The following ASCC3 variants were observed in gnomAD, a reference collection of about 807,000 sequenced individuals.
ASCC3 encodes ASC-1 complex subunit P200.
Under a neutral mutation model 256.3 loss-of-function variants are expected in ASCC3, and 158 were observed. The observed-to-expected ratio is 0.62, with a 90% CI of 0.54 to 0.70. ASCC3 has a LOEUF of 0.70. ASCC3 is among the 30% of genes least tolerant of loss of function. The probability of loss-of-function intolerance (pLI) is 0.00; values close to 1 mark genes in which losing one functional copy is unlikely to be tolerated. For synonymous variants in ASCC3, 948 were observed against 883.4 expected (o/e 1.07, Z -1.30); for missense variants, 2,259 against 2,626.0 (o/e 0.86, Z 3.05).
At chr6:100,557,768 A>G (rs1195123835) in intron 36 of ASCC3, among the ~76,000 whole-genome samples, 1 of 152,164 alleles carries the variant, frequency 6.6e-6, no homozygotes, top group African/African-American at 2.4e-5. Flanking sequence ...GTTAGAAAGA[A>G]TAAGACCTGC....
At chr6:100,556,517 G>T (rs1769582887) in intron 36 of ASCC3, among the ~76,000 whole-genome samples, 1 of 152,166 alleles carries the variant, frequency 6.6e-6, no homozygotes, top group African/African-American at 2.4e-5. Flanking sequence ...TTAAAGGTGG[G>T]AGTAAGAATG....
Position 100,645,717 on chromosome 6 carries a change from A to G in ASCC3, c.3633+898T>C, listed in dbSNP as rs1245573099. On this transcript the variant is annotated intron_variant, in intron 22 of 41. Coordinates refer to ENST00000369162, the MANE Select transcript of ASCC3 (RefSeq NM_006828.4). ...TAAAAAATGTTGATTGAATAAAAAG[A>G]GAATCTGGTGTGTATCTTTATATAC... Among the ~76,000 whole-genome samples the G allele has an allele frequency of 4.6e-5, 7 of 152,206 alleles. No homozygotes were observed. The East Asian group carries it at 1.3e-3, about 29-fold the overall frequency.
Position 100,634,841 on chromosome 6 carries a change from C to T in ASCC3, c.4123-3628G>A, listed in dbSNP as rs142503946. Reference sequence around the variant, plus strand: ...TTCAAGGCCAGTCTGGGCAACACAGCGAGACCCCATCTCCTCAAAAAACAA... The same window carrying T: ...TTCAAGGCCAGTCTGGGCAACACAGTGAGACCCCATCTCCTCAAAAAACAA... On this transcript the variant is annotated intron_variant, in intron 25 of 41. Coordinates refer to ENST00000369162, the MANE Select transcript of ASCC3 (RefSeq NM_006828.4). 4.3e-5 allele frequency among the ~76,000 whole-genome samples: 6 copies of T among 137,948 alleles called. No individual in the cohort carries two copies. The East Asian group carries it at 8.4e-4, about 19-fold the overall frequency. The allele number at this position is 137,948 out of a possible 152,430, so 90.5% of individuals were successfully genotyped here. A position where few individuals can be genotyped will look rare whatever the true frequency, so the allele number is the denominator to read the frequency against.
rs780946890 is a variant in ASCC3 at position 100,509,960 on chromosome 6, A to C, written c.6433T>G (p.Ser2145Ala). 1.9e-6 allele frequency: 3 copies of C among 1,613,942 alleles called. No homozygotes were observed. In the Admixed American group the frequency reaches 5.0e-5, roughly 27 times the overall value. Residue 2145 changes from serine to alanine, a missense_variant, in exon 41 of 42, where the codon TCT (serine) becomes GCT (alanine). By Grantham distance (99) the Ser-to-Ala change is moderately conservative. Transcript: ENST00000369162. ...CCAGGTATTTCAGGGGTATAAAAAG[A>C]AAGGGAAGCAACATGATGATTTCGA... The part of the protein sequence containing the change: ...YIRNHHVASL[S>A]FYTPEIPGRY...
At chr6:100,663,031 T>C (rs901067029) in intron 14 of ASCC3, among the ~76,000 whole-genome samples, 1 of 152,070 alleles carries the variant, frequency 6.6e-6, no homozygotes, top group African/African-American at 2.4e-5. Flanking sequence ...GCCTTTACAC[T>C]TTTACTTCAG....
chr6:100,747,002 A>G (rs1413088072), intron 10 of ASCC3, among the ~76,000 whole-genome samples: 2 of 152,142 alleles, frequency 1.3e-5, no homozygotes, highest in African/African-American at 4.8e-5. Context: ...TGCTTGCAAA[A>G]CACGTATCCA....
chr6:100,850,098 C>CA (rs61582863), intron 3 of ASCC3, among the ~76,000 whole-genome samples: 2,106 of 80,560 alleles, frequency 0.026, 68 homozygotes, highest in African/African-American at 0.078. Context: ...GAGACTCTAT[C>CA]AAAAAAAAAA....
intron 36 of ASCC3, among the ~76,000 whole-genome samples, chr6:100,564,311 A>C (rs240769): frequency 0.68 from 102,793 of 151,826 alleles, 35,797 homozygotes; most frequent in African/African-American, 0.83. Context: ...GAACTTACTC[A>C]TTCTATCTAA....
At chr6:100,616,104 A>G (rs972299454) in intron 30 of ASCC3, among the ~76,000 whole-genome samples, 1 of 152,228 alleles carries the variant, frequency 6.6e-6, no homozygotes, top group Non-Finnish European at 1.5e-5. Flanking sequence ...CTACAAGAAG[A>G]GGCCAATATC....
At chr6:100,572,089 T>C (rs1487243183) in intron 36 of ASCC3, among the ~76,000 whole-genome samples, 3 of 152,112 alleles carry the variant, frequency 2.0e-5, no homozygotes, top group African/African-American at 7.2e-5. Context: ...ATATAGACGA[T>C]GCTATAGATT....
intron 14 of ASCC3, among the ~76,000 whole-genome samples, chr6:100,669,852 C>T (rs548131922): frequency 6.6e-6 from 1 of 151,738 alleles, no homozygotes; most frequent in South Asian, 2.1e-4. Flanking sequence ...ATGTGCCCAC[C>T]ACTATCTGAA....
At chr6:100,726,168 A>G (rs1779618082) in intron 10 of ASCC3, among the ~76,000 whole-genome samples, 1 of 151,950 alleles carries the variant, frequency 6.6e-6, no homozygotes, top group African/African-American at 2.4e-5. Context: ...CCCAAGATAT[A>G]GTATCATAAA....
At chr6:100,839,772 C>T (rs1369364444) in intron 4 of ASCC3, among the ~76,000 whole-genome samples, 2 of 152,142 alleles carry the variant, frequency 1.3e-5, no homozygotes, top group Admixed American at 6.6e-5. Flanking sequence ...CTTGGACCAC[C>T]CTTCTTCCAT....
intron 13 of ASCC3, among the ~76,000 whole-genome samples, chr6:100,680,874 T>C (rs1228896601): frequency 1.3e-5 from 2 of 152,158 alleles, no homozygotes; most frequent in Admixed American, 1.3e-4. Flanking sequence ...GCTATACATT[T>C]AGGAGGATAT....
chr6:100,788,597 C>A, intron 8 of ASCC3, among the ~76,000 whole-genome samples: 1 of 150,104 alleles, frequency 6.7e-6, no homozygotes, highest in Non-Finnish European at 1.5e-5. Flanking sequence ...AGTACGGATA[C>A]AAAATGTAAT....
chr6:100,520,908 T>C (rs116372823), intron 37 of ASCC3, among the ~76,000 whole-genome samples: 2,098 of 152,268 alleles, frequency 0.014, 40 homozygotes, highest in African/African-American at 0.048. Context: ...TCTGCTGTTC[T>C]TGACACACTC....
intron 1 of ASCC3, among the ~76,000 whole-genome samples, chr6:100,871,340 C>T (rs368433609): frequency 6.6e-4 from 101 of 152,252 alleles, no homozygotes; most frequent in African/African-American, 2.1e-3. Context: ...GTGATCCGCC[C>T]GCCTCGGCCT....
In ASCC3 at chr6:100,666,356, G is replaced by A. The variant is rs142689049; in HGVS notation, c.2287-3820C>T. On this transcript the variant is annotated intron_variant, in intron 14 of 41. Coordinates refer to ENST00000369162, the MANE Select transcript of ASCC3 (RefSeq NM_006828.4). ...AGTAAATACCAGGCATGAATCTTAC[G>A]GGTCACATGGTTAATGTATGTTTAC... 3.1e-3 allele frequency among the ~76,000 whole-genome samples: 471 copies of A among 152,040 alleles called. 4 individuals are homozygous for A. The highest frequency in any genetic ancestry group is 0.011 in the African/African-American group (460 of 41,484).
rs528951340 is a variant in ASCC3 at position 100,715,383 on chromosome 6, G to A, written c.2151+79C>T. The stretch of plus-strand genomic sequence containing the variant: ...AAAGAAAAATTTTCTTCTGAAGAGC[G>A]TAAATATTAATAATTTTTATCATTA... On this transcript the variant is annotated intron_variant, in intron 13 of 41. Coordinates refer to ENST00000369162, the MANE Select transcript of ASCC3 (RefSeq NM_006828.4). 493 of 1,300,912 alleles carry A rather than the reference G, an allele frequency of 3.8e-4. 1 individual carries two copies. The highest frequency in any genetic ancestry group is 4.9e-4 in the Non-Finnish European group (446 of 917,464). 80.6% of individuals were successfully genotyped at this position (1,300,912 alleles called of 1,614,324 possible). A position where few individuals can be genotyped will look rare whatever the true frequency, so the allele number is the denominator to read the frequency against.
Sources: allele counts gnomAD v4.1 joint callset (sites outside exome capture counted in the v4.1 genomes callset), GRCh38; gene constraint gnomAD v4.1.1; transcripts MANE v1.5; gene names NCBI Gene and HGNC (gene_info 2026-07-23, HGNC 2026-07-21).